The following NBAS variants were observed in gnomAD, a reference collection of about 807,000 sequenced individuals.
NBAS encodes NBAS subunit of NRZ tethering complex.
A neutral mutation model predicts 302.5 loss-of-function variants in NBAS; 219 were observed. The ratio of observed to expected loss-of-function variants is 0.72; its 90% CI spans 0.65 to 0.81. NBAS has a LOEUF of 0.81. NBAS is among the 30% of genes least tolerant of loss of function. The pLI is 0.00. For missense variants in NBAS, 2,932 were observed against 2,841.6 expected, an observed-to-expected ratio of 1.03 and a Z score of -0.72; for synonymous variants, 1,118 against 1,021.6, an observed-to-expected ratio of 1.09 and a Z score of -1.80.
At chr2:15,104,732 T>C in the NBAS span, among the ~76,000 whole-genome samples, 3 of 152,194 alleles carry the variant, frequency 2.0e-5, no homozygotes, top group Non-Finnish European at 2.9e-5. Flanking sequence ...GACTTTTTAA[T>C]GATCAGCATT....
At chr2:15,099,573 T>C in the NBAS span, among the ~76,000 whole-genome samples, 1 of 152,014 alleles carries the variant, frequency 6.6e-6, no homozygotes, top group Non-Finnish European at 1.5e-5. Context: ...CATATTTATT[T>C]ACCTTAAAAA....
chr2:15,392,488 A>C (rs2380649), intron 28 of NBAS, among the ~76,000 whole-genome samples: 93,911 of 151,720 alleles, frequency 0.62, 29,864 homozygotes, highest in Middle Eastern at 0.69. Flanking sequence ...GGAAGGAACA[A>C]TCTGAAGATG....
the NBAS span, among the ~76,000 whole-genome samples, chr2:15,102,977 GAGGA>G: frequency 0.055 from 5,289 of 95,346 alleles, 167 homozygotes; most frequent in Admixed American, 0.095. Context: ...AGGCATTAAG[GAGGA>G]AGGAAGGAAG....
At chr2:15,171,641 T>C (rs1372209432) in intron 51 of NBAS, among the ~76,000 whole-genome samples, 4 of 152,202 alleles carry the variant, frequency 2.6e-5, no homozygotes, top group Non-Finnish European at 4.4e-5. Flanking sequence ...ATCACTGCAG[T>C]GTTACGGGCT....
chr2:14,868,425 T>A, the NBAS span, among the ~76,000 whole-genome samples: 1 of 152,190 alleles, frequency 6.6e-6, no homozygotes, highest in Admixed American at 6.5e-5. Flanking sequence ...AACATCTACA[T>A]GTGGTTTACC....
At chr2:14,964,529 T>C in the NBAS span, among the ~76,000 whole-genome samples, 1 of 151,982 alleles carries the variant, frequency 6.6e-6, no homozygotes, top group African/African-American at 2.4e-5. Flanking sequence ...TAATAAATAA[T>C]CAAAATACAT....
chr2:14,782,134 T>C, the NBAS span, among the ~76,000 whole-genome samples: 1 of 152,144 alleles, frequency 6.6e-6, no homozygotes, highest in Non-Finnish European at 1.5e-5. Context: ...AGTTCTTCCA[T>C]GATCCTGGGC....
rs563549365 is a variant in NBAS, at chr2:15,445,205, T to C, written c.2339+15996A>G. ...ATGCTGCTATAAAGACACATGCACATGTATGTTTATTGCGGCACTATTCAC... is the reference window on the plus strand; with the variant it reads ...ATGCTGCTATAAAGACACATGCACACGTATGTTTATTGCGGCACTATTCAC... On this transcript the variant is annotated intron_variant, in intron 21 of 51. Coordinates refer to ENST00000281513, the MANE Select transcript of NBAS (RefSeq NM_015909.4). Among the ~76,000 whole-genome samples the C allele has an allele frequency of 4.5e-3, 673 of 149,394 alleles. 5 individuals are homozygous for C. Among genetic ancestry groups the C allele is most frequent in the African/African-American group, 0.015 (607 of 40,164 alleles).
chr2:14,848,763 C>T, the NBAS span, among the ~76,000 whole-genome samples: 1 of 151,748 alleles, frequency 6.6e-6, no homozygotes, highest in Non-Finnish European at 1.5e-5. Context: ...AAGTGGGTCC[C>T]TGACCCCTGA....
At chr2:15,160,602 G>GGGGGGGGGGGC in the NBAS span, among the ~76,000 whole-genome samples, 1 of 122,494 alleles carries the variant, frequency 8.2e-6, no homozygotes, top group Non-Finnish European at 1.7e-5. Context: ...AGGGGGGGGG[G>GGGGGGGGGGGC]CAGGAGGCTG....
the NBAS span, among the ~76,000 whole-genome samples, chr2:14,906,306 A>G: frequency 2.0e-5 from 3 of 152,142 alleles, no homozygotes; most frequent in Non-Finnish European, 4.4e-5. Context: ...TATTATCTCT[A>G]TTTTGCAGGC....
intron 32 of NBAS, among the ~76,000 whole-genome samples, chr2:15,359,231 TA>T (rs916545768): frequency 2.0e-5 from 3 of 151,978 alleles, no homozygotes; most frequent in Non-Finnish European, 2.9e-5. Context: ...CATGCATCTG[TA>T]AAAAAAATCT....
the NBAS span, among the ~76,000 whole-genome samples, chr2:14,790,105 A>C: frequency 1.3e-5 from 2 of 152,362 alleles, no homozygotes; most frequent in South Asian, 2.1e-4. Context: ...CTTGAGTCCA[A>C]GATTATACAG....
the NBAS span, among the ~76,000 whole-genome samples, chr2:15,046,622 C>A: frequency 6.6e-6 from 1 of 152,058 alleles, no homozygotes; most frequent in Non-Finnish European, 1.5e-5. Flanking sequence ...TATTTTTTTG[C>A]CACTTTAATA....
At chr2:15,468,071 A>T (rs1384514804) in intron 17 of NBAS, among the ~76,000 whole-genome samples, 1 of 152,212 alleles carries the variant, frequency 6.6e-6, no homozygotes, top group Non-Finnish European at 1.5e-5. Flanking sequence ...ACATTCACTC[A>T]ATGTAAAGCA....
At chr2:14,839,509 C>A in the NBAS span, among the ~76,000 whole-genome samples, 1 of 152,056 alleles carries the variant, frequency 6.6e-6, no homozygotes, top group Admixed American at 6.6e-5. Flanking sequence ...TACCCTGTAA[C>A]TTAGCCAATG....
chr2:14,832,549 C>T, the NBAS span, among the ~76,000 whole-genome samples: 4 of 152,242 alleles, frequency 2.6e-5, no homozygotes, highest in East Asian at 1.9e-4. Context: ...TCTGTGCCAT[C>T]GCTCCACCAT....
chr2:15,255,169 T>A (rs2147998452), intron 44 of NBAS, among the ~76,000 whole-genome samples: 1 of 152,342 alleles, frequency 6.6e-6, no homozygotes, highest in East Asian at 1.9e-4. Context: ...TTGTACTAGT[T>A]TACATTCCCA....
At chr2:14,791,146 C>T in the NBAS span, among the ~76,000 whole-genome samples, 344 of 152,080 alleles carry the variant, frequency 2.3e-3, 3 homozygotes, top group African/African-American at 7.7e-3. Context: ...TGAGCCACCA[C>T]GCCGGGCCCT....
Sources: allele counts gnomAD v4.1 joint callset (sites outside exome capture counted in the v4.1 genomes callset), GRCh38; gene constraint gnomAD v4.1.1; transcripts MANE v1.5; gene names NCBI Gene and HGNC (gene_info 2026-07-23, HGNC 2026-07-21).